PDE4DIP: variants seen among roughly 807,000 people sequenced by gnomAD.
The protein encoded by PDE4DIP is myomegalin.
Under a neutral mutation model 221.4 loss-of-function variants are expected in PDE4DIP, and 59 were observed. That is an observed-to-expected ratio of 0.27 (90% CI 0.22 to 0.33). The LOEUF is 0.33. Among genes scored for constraint, PDE4DIP ranks in the 10% least tolerant of loss-of-function variants. The pLI, the probability that PDE4DIP is intolerant of heterozygous loss-of-function variation, is 1.00. For synonymous variants in PDE4DIP, 404 were observed against 815.9 expected (o/e 0.50, Z 8.60); for missense variants, 1,036 against 2,154.2 (o/e 0.48, Z 10.28).
At chr1:148,844,258 C>T (rs1163185933) in intron 1 of PDE4DIP, 170 bp from the exon 1 acceptor site, 2 of 155,300 alleles carry the variant, frequency 1.3e-5, no homozygotes, top group Admixed American at 7.4e-5. Flanking sequence ...GCTCTCTGCC[C>T]TCTGCCGTCA....
At chr1:148,978,170 C>G (rs1323791695) in intron 18 of PDE4DIP, 108 bp from the exon 22 acceptor site, 1 of 1,298,132 alleles carries the variant, frequency 7.7e-7, no homozygotes, top group African/African-American at 1.5e-5. Flanking sequence ...ATCCATATCC[C>G]ACTTGAAAGT....
At chr1:148,861,705 G>A (rs1202048790) in intron 1 of PDE4DIP, among the ~76,000 whole-genome samples, 1 of 103,166 alleles carries the variant, frequency 9.7e-6, no homozygotes, top group Non-Finnish European at 1.9e-5. Flanking sequence ...ATTCTTGGGA[G>A]CCCCCAAGAG....
chr1:148,861,731 A>C (rs1684273060), intron 1 of PDE4DIP, among the ~76,000 whole-genome samples: 1 of 91,372 alleles, frequency 1.1e-5, no homozygotes, highest in East Asian at 3.4e-4. Flanking sequence ...AGAATAAGCT[A>C]CCTATTGAAA....
chr1:148,884,767 G>A (rs1446458146), upstream of PDE4DIP, among the ~76,000 whole-genome samples: 1 of 152,178 alleles, frequency 6.6e-6, no homozygotes, highest in African/African-American at 2.4e-5. Context: ...TTTACTATTT[G>A]TACAGTTCAT....
chr1:148,949,327 CT>C (rs1238609390), intron 5 of PDE4DIP, among the ~76,000 whole-genome samples: 1 of 149,404 alleles, frequency 6.7e-6, no homozygotes, highest in Non-Finnish European at 1.5e-5. Flanking sequence ...CCCCTTTGAA[CT>C]TTTGTTTATA....
chr1:149,002,023 C>CACTTACTTGGTGGGCAT lies in PDE4DIP; in HGVS notation c.3570_3571insACTTACTTGGTGGGCAT (p.Gln1191ThrfsTer77). The CACTTACTTGGTGGGCAT allele has an allele frequency of 1.3e-6, 1 of 766,020 alleles. No homozygotes were observed. Among genetic ancestry groups the CACTTACTTGGTGGGCAT allele is most frequent in the Non-Finnish European group, 2.3e-6 (1 of 440,912 alleles). The allele number at this position is 766,020 out of a possible 1,614,324, so 47.5% of individuals were successfully genotyped here. On this transcript the variant is annotated frameshift_variant, in exon 24 of 44. Transcript: ENST00000369354. LOFTEE classifies it high-confidence loss of function. ...GGGCTACCTTCACAGTGGATGCCCA[C>CACTTACTTGGTGGGCAT]CAAGTAAGTGTGGGCTTAGATTGAG...
At chr1:149,032,023 C>G (rs781851127) in exon 44 of PDE4DIP, 7 of 1,611,268 alleles carry the variant, frequency 4.3e-6, no homozygotes, top group Non-Finnish European at 5.9e-6. Context: ...AGCGCAGCCA[C>G]CAGAAGTCCT....
Position 149,032,063 on chromosome 1 carries a change from C to G in PDE4DIP, c.*78C>G, listed in dbSNP as rs782488036. 3.1e-6 allele frequency: 5 copies of G among 1,609,862 alleles called. No homozygotes were observed. In the Admixed American group the frequency reaches 8.4e-5, roughly 27 times the overall value. On this transcript the variant is annotated 3_prime_UTR_variant, in exon 44 of 44. Coordinates refer to ENST00000369354, the Ensembl canonical transcript of PDE4DIP. ...ACAGCAGGAAAGGTGGGCCTGTCCC[C>G]CTTTTGTGCAGCTACCTATCTGCTG...
At chr1:148,929,230 A>G (rs782157794) in exon 2 of PDE4DIP, 50 of 1,613,542 alleles carry the variant, frequency 3.1e-5, no homozygotes, top group Middle Eastern at 1.6e-4. Flanking sequence ...GGAGAGCTTG[A>G]AACGAGAACT....
At chr1:149,000,832 CA>C (rs1553574727) in intron 23 of PDE4DIP, among the ~76,000 whole-genome samples, 2 of 151,304 alleles carry the variant, frequency 1.3e-5, no homozygotes, top group African/African-American at 2.4e-5. Flanking sequence ...AACTGAGGCT[CA>C]AAAAAGTTAA....
exon 32 of PDE4DIP, chr1:149,012,723 C>T: frequency 6.2e-7 from 1 of 1,613,500 alleles, no homozygotes. Flanking sequence ...CCAGTGGTCT[C>T]CTTGGCTGAG....
rs1461617047 is a variant in PDE4DIP, at chr1:148,907,045, A to G, written c.141+17151A>G. Among the ~76,000 whole-genome samples, 7 of 151,450 alleles carry G rather than the reference A, an allele frequency of 4.6e-5. 1 individual carries two copies. The highest frequency in any genetic ancestry group is 1.5e-4 in the African/African-American group (6 of 40,796). ...GCCTGGACTACAAGAGTGAAACTCCATCTCAAAAAAACCAAAAAAAACAAA... is the reference window on the plus strand; with the variant it reads ...GCCTGGACTACAAGAGTGAAACTCCGTCTCAAAAAAACCAAAAAAAACAAA... On this transcript the variant is annotated intron_variant, in intron 1 of 43. Coordinates refer to ENST00000369354, the Ensembl canonical transcript of PDE4DIP.
intron 1 of PDE4DIP, among the ~76,000 whole-genome samples, chr1:148,925,546 C>T (rs2046505043): frequency 6.8e-6 from 1 of 146,204 alleles, no homozygotes; most frequent in Admixed American, 6.8e-5. Flanking sequence ...TCATTTTCTT[C>T]AGTAGGATTT....
Position 148,998,339 on chromosome 1 carries a change from T to G in PDE4DIP, c.3101T>G (p.Ile1034Ser), listed in dbSNP as rs587620818. ...GAACTGAAGGAGCTAAAGGCTCAAA[T>G]TGAGGAAGCAGGATTCTCCTCAGTG... Residue 1034 changes from isoleucine to serine, a missense_variant, in exon 23 of 44, where the codon ATT becomes AGT. Transcript: ENST00000369354. The G allele has an allele frequency of 9.4e-6, 15 of 1,599,174 alleles. No homozygotes were observed. In the South Asian group the frequency reaches 1.7e-4, roughly 18 times the overall value.
At chr1:148,893,107 A>ATG (rs1699344880) in intron 1 of PDE4DIP, among the ~76,000 whole-genome samples, 4 of 58,304 alleles carry the variant, frequency 6.9e-5, no homozygotes, top group South Asian at 5.5e-4. Context: ...GTGTGTATGT[A>ATG]TTTTTTTTTT....
rs143410813 is a variant in PDE4DIP at position 148,953,512 on chromosome 1, T to G, written c.637-7142T>G. The G allele has an allele frequency of 3.7e-3, 5,907 of 1,613,870 alleles. 9 individuals carry two copies. Among genetic ancestry groups the G allele is most frequent in the Middle Eastern group, 0.013 (79 of 6,062 alleles). ...AGACGCCTGGTTCCTCTGTGGAATCTTTGGATGCAAGCGTCCAGGCTAGCC... is the reference window on the plus strand; with the variant it reads ...AGACGCCTGGTTCCTCTGTGGAATCGTTGGATGCAAGCGTCCAGGCTAGCC... On this transcript the variant is annotated intron_variant, in intron 5 of 43. Transcript: ENST00000369354.
At chr1:149,030,034 G>A in intron 42 of PDE4DIP, 109 bp downstream of exon 45, 2 of 782,334 alleles carry the variant, frequency 2.6e-6, no homozygotes, top group Non-Finnish European at 4.1e-6. Flanking sequence ...TGGGAGTTGA[G>A]ACTGATTTGA....
intron 1 of PDE4DIP, among the ~76,000 whole-genome samples, chr1:148,822,799 A>C: frequency 1.9e-5 from 2 of 104,418 alleles, no homozygotes; most frequent in Non-Finnish European, 4.2e-5. Context: ...TAATTACATG[A>C]TTAATATTTA....
chr1:148,971,457 T>C lies in PDE4DIP; in HGVS notation c.1981-723T>C, dbSNP rs587617630. Among the ~76,000 whole-genome samples the C allele has an allele frequency of 8.6e-3, 1,311 of 151,592 alleles. 12 individuals are homozygous for C. Among genetic ancestry groups the C allele is most frequent in the Non-Finnish European group, 0.012 (846 of 67,796 alleles). Reference sequence around the variant, plus strand: ...TAAAAAAAATTTTTTCCCAGCTTTATTAAAGTATAATTGACAAATATTGTA... The same window carrying C: ...TAAAAAAAATTTTTTCCCAGCTTTACTAAAGTATAATTGACAAATATTGTA... On this transcript the variant is annotated intron_variant, in intron 14 of 43. Transcript: ENST00000369354.
Sources: allele counts gnomAD v4.1 joint callset (sites outside exome capture counted in the v4.1 genomes callset), GRCh38; gene constraint gnomAD v4.1.1; transcripts MANE v1.5; gene names NCBI Gene and HGNC (gene_info 2026-07-23, HGNC 2026-07-21).